ATP8A2: variants seen among roughly 807,000 people sequenced by gnomAD.
The protein encoded by ATP8A2 is ATPase phospholipid transporting 8A2, also known as phospholipid-transporting ATPase IB.
A neutral mutation model predicts 165.6 loss-of-function variants in ATP8A2; 100 were observed. The ratio of observed to expected loss-of-function variants is 0.60; its 90% CI spans 0.51 to 0.71. ATP8A2 has a LOEUF of 0.71. Ranked by LOEUF, ATP8A2 falls within the 30% of genes least tolerant of loss-of-function variation. ATP8A2 has a pLI of 0.00. For synonymous variants in ATP8A2, 543 were observed against 548.8 expected (o/e 0.99, Z 0.15); for missense variants, 1,227 against 1,479.5 (o/e 0.83, Z 2.80).
intron 30 of ATP8A2, among the ~76,000 whole-genome samples, chr13:25,847,542 G>C (rs750213117): frequency 2.0e-5 from 3 of 152,142 alleles, no homozygotes; most frequent in African/African-American, 7.2e-5. Context: ...GTGTAATGTT[G>C]TAAGAAGTGT....
chr13:25,704,542 C>T (rs1164049618), intron 25 of ATP8A2, among the ~76,000 whole-genome samples: 2 of 151,884 alleles, frequency 1.3e-5, no homozygotes, highest in African/African-American at 4.8e-5. Context: ...TGCTATGTTG[C>T]CCAGGCTGCT....
In ATP8A2 at chr13:25,570,856, C is replaced by G; in HGVS notation, c.1563C>G (p.Tyr521Ter). 6.2e-7 allele frequency: 1 copy of G among 1,613,112 alleles called. No homozygotes were observed. The highest frequency in any genetic ancestry group is 8.5e-7 in the Non-Finnish European group (1 of 1,179,278). ...AGAAGGATGGAGATAACATCATCTA[C>G]CAGGCCTCTTCCCCAGGTGAGGGCT... Reference protein sequence around the residue: ...VPEKDGDNIIYQASSPDEAAL... With the variant: ...VPEKDGDNII The change falls in exon 17 of 37, where the codon TAC becomes TAG. Residue 521 changes from tyrosine (Y) to a stop codon, truncating the protein, a stop_gained. Transcript: ENST00000381655. LOFTEE classifies it high-confidence loss of function.
intron 1 of ATP8A2, among the ~76,000 whole-genome samples, chr13:25,383,316 G>C (rs777809506): frequency 4.0e-5 from 6 of 151,872 alleles, no homozygotes; most frequent in Non-Finnish European, 8.8e-5. Context: ...TGTTGGCCAG[G>C]ATGGTCTCAA....
intron 1 of ATP8A2, among the ~76,000 whole-genome samples, chr13:25,396,463 G>A (rs2033428319): frequency 6.6e-6 from 1 of 152,146 alleles, no homozygotes; most frequent in Admixed American, 6.5e-5. Context: ...TGATGGGACT[G>A]AGAGACAATA....
intron 1 of ATP8A2, among the ~76,000 whole-genome samples, chr13:25,392,198 C>A (rs1367888802): frequency 6.6e-6 from 1 of 152,204 alleles, no homozygotes; most frequent in African/African-American, 2.4e-5. Flanking sequence ...GCATACTGCA[C>A]CTTTCCTTTG....
chr13:25,818,932 G>C (rs1049417318), intron 27 of ATP8A2, among the ~76,000 whole-genome samples: 1 of 152,150 alleles, frequency 6.6e-6, no homozygotes, highest in Non-Finnish European at 1.5e-5. Flanking sequence ...GCGGTGTGGT[G>C]ATAAAGACAA....
At chr13:25,757,836 C>T (rs1169255961) in intron 25 of ATP8A2, among the ~76,000 whole-genome samples, 6 of 152,072 alleles carry the variant, frequency 3.9e-5, no homozygotes, top group African/African-American at 1.4e-4. Flanking sequence ...CCAATCCAAG[C>T]GGTTGTGTGT....
chr13:25,677,705 T>C (rs928824339), intron 24 of ATP8A2, among the ~76,000 whole-genome samples: 2 of 152,168 alleles, frequency 1.3e-5, no homozygotes, highest in African/African-American at 2.4e-5. Flanking sequence ...TTCTCTGTTA[T>C]AGTTTTCTAT....
At chr13:25,933,260 C>T (rs1051213174) in intron 33 of ATP8A2, among the ~76,000 whole-genome samples, 1 of 152,162 alleles carries the variant, frequency 6.6e-6, no homozygotes, top group African/African-American at 2.4e-5. Context: ...TTTTCTGCCT[C>T]GCTTGGCGGG....
chr13:25,750,893 T>G lies in ATP8A2; in HGVS notation c.2385-18153T>G, dbSNP rs1222271402. Among the ~76,000 whole-genome samples the G allele has an allele frequency of 1.3e-5, 2 of 152,206 alleles. No homozygotes were observed. Among genetic ancestry groups the G allele is most frequent in the East Asian group, 1.9e-4 (1 of 5,196 alleles). On this transcript the variant is annotated intron_variant, in intron 25 of 36. Transcript: ENST00000381655. The surrounding 1 kb of genome is among the most constrained non-coding windows in gnomAD (Gnocchi z 4.3). Reference sequence around the variant, plus strand: ...GCCATGTTTAAAGCCTGAGATTGTGTTGTTCTCTGTCCAGGGTCCAACAGG... The same window carrying G: ...GCCATGTTTAAAGCCTGAGATTGTGGTGTTCTCTGTCCAGGGTCCAACAGG...
At chr13:25,839,449 A>G (rs1409391580) in intron 29 of ATP8A2, 97 bp from the exon 30 acceptor site, 2 of 832,686 alleles carry the variant, frequency 2.4e-6, no homozygotes, top group Non-Finnish European at 4.2e-6. Flanking sequence ...CGTGCAGCGC[A>G]CGGCCAGGAT....
At chr13:25,901,881 A>G (rs1053465811) in intron 33 of ATP8A2, among the ~76,000 whole-genome samples, 2 of 152,242 alleles carry the variant, frequency 1.3e-5, no homozygotes, top group African/African-American at 4.8e-5. Context: ...CCAAGGGGAC[A>G]TCCCCTTTTA....
At chr13:25,643,604 G>T (rs2041592920) in intron 24 of ATP8A2, among the ~76,000 whole-genome samples, 1 of 151,792 alleles carries the variant, frequency 6.6e-6, no homozygotes, top group Admixed American at 6.6e-5. Flanking sequence ...TCATTTTTGG[G>T]CCTTCTATTG....
intron 27 of ATP8A2, among the ~76,000 whole-genome samples, chr13:25,792,249 AT>A (rs1555267446): frequency 1.3e-5 from 2 of 152,182 alleles, no homozygotes; most frequent in Non-Finnish European, 1.5e-5. Flanking sequence ...AAAGGCTTTC[AT>A]TTTTTGGCAG....
rs573540982 is a variant in ATP8A2 at position 25,665,115 on chromosome 13, C to T, written c.2212-34058C>T. 6.6e-4 allele frequency among the ~76,000 whole-genome samples: 100 copies of T among 152,218 alleles called. 1 individual carries two copies. The highest frequency in any genetic ancestry group is 2.3e-3 in the African/African-American group (96 of 41,544). Reference sequence around the variant, plus strand: ...TGGCCAGCAACGAAGGCAGAGTCCCCGGTAGGCGGAGGTCCCCGTGCACAG... The same window carrying T: ...TGGCCAGCAACGAAGGCAGAGTCCCTGGTAGGCGGAGGTCCCCGTGCACAG... On this transcript the variant is annotated intron_variant, in intron 24 of 36. Coordinates refer to ENST00000381655, the MANE Select transcript of ATP8A2 (RefSeq NM_016529.6).
chr13:25,514,858 A>G (rs558257509), intron 2 of ATP8A2, among the ~76,000 whole-genome samples: 1 of 152,202 alleles, frequency 6.6e-6, no homozygotes, highest in Non-Finnish European at 1.5e-5. Flanking sequence ...TCTCCAATGC[A>G]CTGGGCTTGT....
chr13:25,414,508 A>G (rs1217352982), intron 1 of ATP8A2, among the ~76,000 whole-genome samples: 1 of 152,072 alleles, frequency 6.6e-6, no homozygotes, highest in Non-Finnish European at 1.5e-5. Context: ...TGTTTCTTAA[A>G]CAGAAGTACT....
intron 2 of ATP8A2, among the ~76,000 whole-genome samples, chr13:25,507,251 GTGTGTGTGTGTGTA>G (rs779423343): frequency 0.017 from 1,486 of 86,702 alleles, 18 homozygotes; most frequent in South Asian, 0.028. Flanking sequence ...GTGTGTGTGT[GTGTGTGTGTGTGTA>G]TTTTGTTGTT....
intron 35 of ATP8A2, among the ~76,000 whole-genome samples, chr13:25,994,499 C>T (rs1292501844): frequency 1.3e-5 from 2 of 152,078 alleles, no homozygotes; most frequent in Non-Finnish European, 1.5e-5. Flanking sequence ...AAGTGTGGTG[C>T]TAGCTGCAGG....
Sources: allele counts gnomAD v4.1 joint callset (sites outside exome capture counted in the v4.1 genomes callset), GRCh38; gene constraint gnomAD v4.1.1; non-coding constraint Gnocchi (gnomAD v3.1); transcripts MANE v1.5; gene names NCBI Gene and HGNC (gene_info 2026-07-23, HGNC 2026-07-21).